Variants in TRABD2A observed in about 807,000 individuals in gnomAD.
The protein encoded by TRABD2A is metalloprotease TIKI1.
Under a neutral mutation model 45.6 loss-of-function variants are expected in TRABD2A, and 43 were observed. The ratio of observed to expected loss-of-function variants is 0.94; its 90% CI spans 0.74 to 1.22. The LOEUF is 1.22. Among genes scored for constraint, TRABD2A ranks in the 50% most tolerant of loss-of-function variants. TRABD2A has a pLI of 0.00. For synonymous variants in TRABD2A, 269 were observed against 265.0 expected (o/e 1.02, Z -0.15); for missense variants, 642 against 652.4 (o/e 0.98, Z 0.17).
intron 2 of TRABD2A, among the ~76,000 whole-genome samples, chr2:84,859,244 C>T (rs1260273601): frequency 6.6e-6 from 1 of 152,170 alleles, no homozygotes; most frequent in Non-Finnish European, 1.5e-5. Flanking sequence ...AAACAGCCAG[C>T]AAAGAGTAAA....
chr2:84,879,204 T>C (rs1173440509), intron 1 of TRABD2A, among the ~76,000 whole-genome samples: 3 of 148,902 alleles, frequency 2.0e-5, no homozygotes, highest in Non-Finnish European at 4.5e-5. Context: ...TTTTTTTGGA[T>C]ATAGGGTCTC....
intron 4 of TRABD2A, chr2:84,836,568 TA>T (rs1261100809): frequency 1.3e-5 from 2 of 152,212 alleles, no homozygotes; most frequent in African/African-American, 4.8e-5. Context: ...TGCAGAGTAA[TA>T]TTTTTCATCA....
chr2:84,871,324 T>C (rs1370469400), intron 1 of TRABD2A, among the ~76,000 whole-genome samples: 1 of 152,146 alleles, frequency 6.6e-6, no homozygotes, highest in Admixed American at 6.5e-5. Flanking sequence ...GACCTGATGA[T>C]CCCTGCTCTT....
intron 4 of TRABD2A, chr2:84,835,336 G>A (rs1373704709): frequency 2.0e-5 from 3 of 152,006 alleles, no homozygotes; most frequent in African/African-American, 7.2e-5. Context: ...TCATTTATAA[G>A]CAATAGAAAT....
At chr2:84,877,623 A>G (rs965732177) in intron 1 of TRABD2A, among the ~76,000 whole-genome samples, 1 of 152,158 alleles carries the variant, frequency 6.6e-6, no homozygotes, top group African/African-American at 2.4e-5. Context: ...AAAAAGAGAG[A>G]GAGAAAACAT....
Position 84,835,723 on chromosome 2 carries a change from C to T in TRABD2A, c.991+3426G>A, listed in dbSNP as rs374277864. Among the ~76,000 whole-genome samples the T allele has an allele frequency of 2.0e-5, 3 of 152,282 alleles. No individual in the cohort carries two copies. In the East Asian group the frequency reaches 5.8e-4, roughly 29 times the overall value. On this transcript the variant is annotated intron_variant, in intron 4 of 6. Coordinates refer to ENST00000409520, the MANE Select transcript of TRABD2A (RefSeq NM_001277053.2). ...TGCACCACCATGTCCAGCTGAGGGC[C>T]TTCTTCCTGAGTCTTTACATGGCAG... is the stretch of plus-strand genomic sequence containing the variant.
intron 2 of TRABD2A, among the ~76,000 whole-genome samples, chr2:84,864,279 T>A (rs1373356480): frequency 2.6e-5 from 4 of 152,054 alleles, no homozygotes; most frequent in African/African-American, 9.7e-5. Context: ...TTGCTTTGAG[T>A]TAAATGAGGA....
At chr2:84,848,327 A>ATGAT (rs1681966380) in intron 2 of TRABD2A, among the ~76,000 whole-genome samples, 3 of 127,304 alleles carry the variant, frequency 2.4e-5, no homozygotes, top group Non-Finnish European at 5.3e-5. Context: ...GCACATAAAA[A>ATGAT]TGATAGATAG....
At chr2:84,845,222 G>A (rs1037535951) in intron 2 of TRABD2A, among the ~76,000 whole-genome samples, 4 of 152,152 alleles carry the variant, frequency 2.6e-5, no homozygotes, top group Non-Finnish European at 5.9e-5. Context: ...ATGGTGGCAG[G>A]TGCCTGTAAT....
intron 2 of TRABD2A, among the ~76,000 whole-genome samples, chr2:84,846,426 G>A (rs115576578): frequency 0.026 from 3,958 of 152,268 alleles, 86 homozygotes; most frequent in South Asian, 0.056. Context: ...AAGATAAGCC[G>A]TTGACCTAAA....
chr2:84,833,377 T>G (rs1482846674), intron 4 of TRABD2A: 1 of 152,214 alleles, frequency 6.6e-6, no homozygotes, highest in Non-Finnish European at 1.5e-5. Context: ...TGATCCTAGG[T>G]TATTCATTTG....
At chr2:84,856,706 AC>A (rs1682319894) in intron 2 of TRABD2A, among the ~76,000 whole-genome samples, 2 of 151,828 alleles carry the variant, frequency 1.3e-5, no homozygotes, top group South Asian at 4.2e-4. Flanking sequence ...CCTCCTGGAC[AC>A]CCCCGAAGTC....
At chr2:84,879,739 C>T (rs941309696) in intron 1 of TRABD2A, 2 of 336,238 alleles carry the variant, frequency 5.9e-6, no homozygotes, top group Admixed American at 6.5e-5. Context: ...GCAGACTCCC[C>T]TCTCCAGCTG....
At chr2:84,848,626 A>T (rs6759044) in intron 2 of TRABD2A, among the ~76,000 whole-genome samples, 23,198 of 151,266 alleles carry the variant, frequency 0.15, 2,057 homozygotes, top group Non-Finnish European at 0.2. Context: ...CCTAGGCTGG[A>T]GTGCAATGGC....
At chr2:84,860,278 C>T (rs1390627464) in intron 2 of TRABD2A, among the ~76,000 whole-genome samples, 1 of 152,158 alleles carries the variant, frequency 6.6e-6, no homozygotes, top group Non-Finnish European at 1.5e-5. Flanking sequence ...CATCCATCCC[C>T]CCATACCTCT....
chr2:84,827,633 A>AATGTGTTCTGGGAGG (rs1681189034), intron 5 of TRABD2A, among the ~76,000 whole-genome samples: 2 of 152,352 alleles, frequency 1.3e-5, no homozygotes, highest in Admixed American at 6.5e-5. Context: ...CTGTGAACAC[A>AATGTGTTCTGGGAGG]TTACCTTACA....
chr2:84,864,830 C>T (rs1184018165), intron 2 of TRABD2A, among the ~76,000 whole-genome samples: 1 of 152,182 alleles, frequency 6.6e-6, no homozygotes, highest in Non-Finnish European at 1.5e-5. Flanking sequence ...GCCTGGCAGG[C>T]CACCCCATCC....
At position 84,830,715 on chromosome 2, in the gene TRABD2A, G is replaced by C. The variant is rs1681302501; in HGVS notation, c.1082+1340C>G. Among the ~76,000 whole-genome samples, 1 of 152,186 alleles carries C rather than the reference G, an allele frequency of 6.6e-6. No individual in the cohort carries two copies. Among genetic ancestry groups the C allele is most frequent in the Non-Finnish European group, 1.5e-5 (1 of 68,034 alleles). ...TATTGACATACTGAATACAGGGCAT[G>C]AAGACAGGTGGGGATGAGAGAAGTC... On this transcript the variant is annotated intron_variant, in intron 5 of 6. Transcript: ENST00000409520. This position sits in a 1 kb window ranked among gnomAD's most constrained non-coding sequence, Gnocchi z 4.9.
chr2:84,865,237 G>T (rs932871623), intron 2 of TRABD2A, among the ~76,000 whole-genome samples: 1 of 150,930 alleles, frequency 6.6e-6, no homozygotes, highest in Non-Finnish European at 1.5e-5. Flanking sequence ...GAAAAAAAAA[G>T]AGAAAGTGAG....
Sources: gnomAD v4.1 joint callset for allele counts (sites outside exome capture counted in the v4.1 genomes callset) on GRCh38, gnomAD v4.1.1 for gene constraint, Gnocchi (gnomAD v3.1) non-coding constraint, MANE v1.5 for transcripts, NCBI Gene and HGNC (gene_info 2026-07-23, HGNC 2026-07-21) for gene names.